The following ZNF366 variants were observed in gnomAD, a reference collection of about 807,000 sequenced individuals.
The protein encoded by ZNF366 is zinc finger protein 366.
Under a neutral mutation model 47.2 loss-of-function variants are expected in ZNF366, and 20 were observed. That is an observed-to-expected ratio of 0.42 (90% CI 0.30 to 0.62). ZNF366 has a LOEUF of 0.62. ZNF366 is among the 20% of genes least tolerant of loss of function. ZNF366 has a pLI of 0.16. For synonymous variants in ZNF366, 421 were observed against 395.1 expected (o/e 1.07, Z -0.78); for missense variants, 987 against 976.3 (o/e 1.01, Z -0.15).
intron 4 of ZNF366, 149 bp downstream of exon 4, chr5:72,447,094 T>G: frequency 3.6e-6 from 3 of 844,888 alleles, no homozygotes; most frequent in Non-Finnish European, 5.3e-6. Context: ...TAGCATCAGA[T>G]TTTTTCTAGT....
At chr5:72,446,680 T>A (rs566694092) in intron 4 of ZNF366, among the ~76,000 whole-genome samples, 55 of 152,214 alleles carry the variant, frequency 3.6e-4, no homozygotes, top group Non-Finnish European at 7.1e-4. Context: ...GTGTGTCTGA[T>A]TGTGAACAAG....
intron 2 of ZNF366, among the ~76,000 whole-genome samples, chr5:72,456,889 T>A (rs1743199466): frequency 6.6e-6 from 1 of 152,192 alleles, no homozygotes; most frequent in South Asian, 2.1e-4. Flanking sequence ...CCAGTGATAG[T>A]TCTTGAGGAT....
rs750046596 is a variant in ZNF366 at position 72,447,232 on chromosome 5, A to C, written c.1699+11T>G. ...GGACTGACTTGCAGGGCTTCCCAGA[A>C]GAGTGATTACCTTGGGAATGAAGGC... On this transcript the variant is annotated intron_variant, in intron 4 of 4. Transcript: ENST00000318442. 6.2e-7 allele frequency: 1 copy of C among 1,613,870 alleles called. No homozygotes were observed. Among genetic ancestry groups the C allele is most frequent in the South Asian group, 1.1e-5 (1 of 91,036 alleles).
At chr5:72,502,693 A>T (rs572100485) in intron 1 of ZNF366, among the ~76,000 whole-genome samples, 1 of 152,380 alleles carries the variant, frequency 6.6e-6, no homozygotes, top group Non-Finnish European at 1.5e-5. Context: ...GTAAAAAAAT[A>T]AGAAACAAAA....
At chr5:72,487,222 A>G (rs1355463506) in intron 1 of ZNF366, among the ~76,000 whole-genome samples, 2 of 152,236 alleles carry the variant, frequency 1.3e-5, no homozygotes, top group Non-Finnish European at 1.5e-5. Context: ...TCAATAATGC[A>G]TAATACTGAA....
rs1328167303 is a variant in ZNF366, at chr5:72,442,155, T to A, written c.*1601A>T. The A allele has an allele frequency of 6.6e-6, 1 of 152,214 alleles. No individual in the cohort carries two copies. Among genetic ancestry groups the A allele is most frequent in the Non-Finnish European group, 1.5e-5 (1 of 68,046 alleles). The allele number at this position is 152,214 out of a possible 1,614,324, so 9.4% of individuals were successfully genotyped here. A position where few individuals can be genotyped will look rare whatever the true frequency, so the allele number is the denominator to read the frequency against. On this transcript the variant is annotated 3_prime_UTR_variant, in exon 5 of 5. Transcript: ENST00000318442. ...CTGTGTGTGTCCGCTCATAAGGCTC[T>A]TACAGACAGGTAAGAAAGCCTAAGT...
intron 1 of ZNF366, among the ~76,000 whole-genome samples, chr5:72,485,068 C>T (rs375919819): frequency 1.6e-4 from 24 of 152,098 alleles, no homozygotes; most frequent in African/African-American, 4.6e-4. Flanking sequence ...GATAGAGGTA[C>T]GCTGTACATG....
chr5:72,501,592 C>G (rs948429820), intron 1 of ZNF366, among the ~76,000 whole-genome samples: 5 of 152,190 alleles, frequency 3.3e-5, no homozygotes, highest in Non-Finnish European at 5.9e-5. Context: ...TCACATTTCT[C>G]TCCCTGAATT....
At chr5:72,467,678 C>T (rs925048536) in intron 1 of ZNF366, among the ~76,000 whole-genome samples, 1 of 152,170 alleles carries the variant, frequency 6.6e-6, no homozygotes, top group Non-Finnish European at 1.5e-5. Flanking sequence ...CTGAAATTCA[C>T]AAAAGAATAT....
At chr5:72,469,888 C>CA (rs1197237379) in intron 1 of ZNF366, among the ~76,000 whole-genome samples, 2 of 152,020 alleles carry the variant, frequency 1.3e-5, no homozygotes, top group African/African-American at 2.4e-5. Flanking sequence ...ATAACAACAA[C>CA]AAAAAACTTA....
intron 1 of ZNF366, among the ~76,000 whole-genome samples, chr5:72,475,970 A>G (rs778906404): frequency 6.0e-4 from 92 of 152,208 alleles, no homozygotes; most frequent in Non-Finnish European, 9.3e-4. Context: ...GAAGCAAAGT[A>G]TGACCCCATA....
intron 1 of ZNF366, among the ~76,000 whole-genome samples, chr5:72,505,630 A>G (rs1744306039): frequency 6.6e-6 from 1 of 152,220 alleles, no homozygotes; most frequent in African/African-American, 2.4e-5. Flanking sequence ...GTGTTCTGTG[A>G]TGTTGTTTTA....
chr5:72,469,918 G>T (rs746605641), intron 1 of ZNF366, among the ~76,000 whole-genome samples: 6 of 152,126 alleles, frequency 3.9e-5, no homozygotes, highest in Non-Finnish European at 7.3e-5. Flanking sequence ...GGTGGTATGG[G>T]CCTGCCTTCC....
intron 1 of ZNF366, among the ~76,000 whole-genome samples, chr5:72,492,571 C>A (rs1166750421): frequency 6.6e-6 from 1 of 152,206 alleles, no homozygotes; most frequent in African/African-American, 2.4e-5. Context: ...AGGTTCTTTT[C>A]TCCTATCTTC....
intron 3 of ZNF366, among the ~76,000 whole-genome samples, chr5:72,455,349 G>C (rs1438243899): frequency 6.6e-6 from 1 of 152,144 alleles, no homozygotes; most frequent in African/African-American, 2.4e-5. Context: ...CCTGGAAACA[G>C]GGAACCCCAC....
intron 2 of ZNF366, among the ~76,000 whole-genome samples, chr5:72,459,238 C>A (rs1012781211): frequency 2.0e-5 from 3 of 152,198 alleles, no homozygotes; most frequent in African/African-American, 7.2e-5. Flanking sequence ...CCTCTCCTGA[C>A]CTTTCAGAAT....
intron 1 of ZNF366, 140 bp from the exon 2 acceptor site, chr5:72,461,650 C>T: frequency 8.3e-7 from 1 of 1,205,276 alleles, no homozygotes. Flanking sequence ...TATCCTAGGG[C>T]TGTTCAAAAT....
intron 4 of ZNF366, among the ~76,000 whole-genome samples, chr5:72,444,914 G>A (rs772554811): frequency 3.9e-5 from 6 of 152,122 alleles, no homozygotes; most frequent in Non-Finnish European, 8.8e-5. Context: ...CACTTTTAAT[G>A]TATTATTGTT....
Position 72,497,189 on chromosome 5 carries a change from C to T in ZNF366, c.-15+10062G>A, listed in dbSNP as rs950269978. On this transcript the variant is annotated intron_variant, in intron 1 of 4. Coordinates refer to ENST00000318442, the MANE Select transcript of ZNF366 (RefSeq NM_152625.3). ...ATGTTTTCATGTATTTCATGTTTTGCGTCGTAACTAAGAAATCTTTGCCTA... is the reference window on the plus strand; with the variant it reads ...ATGTTTTCATGTATTTCATGTTTTGTGTCGTAACTAAGAAATCTTTGCCTA... Among the ~76,000 whole-genome samples, 2 of 152,008 alleles carry T rather than the reference C, an allele frequency of 1.3e-5. 1 individual carries two copies. The highest frequency in any genetic ancestry group is 1.3e-4 in the Admixed American group (2 of 15,252).
Sources: allele counts gnomAD v4.1 joint callset (sites outside exome capture counted in the v4.1 genomes callset), GRCh38; gene constraint gnomAD v4.1.1; transcripts MANE v1.5; gene names NCBI Gene and HGNC (gene_info 2026-07-23, HGNC 2026-07-21).